Variants in COL6A1 observed in about 807,000 individuals in gnomAD.
COL6A1 encodes the protein collagen alpha-1(VI) chain.
COL6A1 carries 80 observed loss-of-function variants against 145.6 expected under a neutral mutation model. The observed-to-expected ratio is 0.55, with a 90% confidence interval of 0.46 to 0.66. COL6A1 has a LOEUF of 0.66. Ranked by LOEUF, COL6A1 falls within the 30% of genes least tolerant of loss-of-function variation. COL6A1 has a pLI of 0.00. For synonymous variants in COL6A1, 638 were observed against 622.8 expected (o/e 1.02, Z -0.36); for missense variants, 1,364 against 1,473.8 (o/e 0.93, Z 1.22).
At chr21:45,995,253 G>A (rs1304913681) in intron 20 of COL6A1, among the ~76,000 whole-genome samples, 2 of 152,250 alleles carry the variant, frequency 1.3e-5, no homozygotes, top group African/African-American at 2.4e-5. Flanking sequence ...AAGGGCTCCC[G>A]ACACCTTCCT....
rs1479972013 is a variant in COL6A1, at chr21:46,002,320, C to T, written c.2169C>T (p.Ile723=). 1.4e-5 allele frequency: 23 copies of T among 1,592,834 alleles called. No individual in the cohort carries two copies. The highest frequency in any genetic ancestry group is 5.3e-5 in the Admixed American group (3 of 56,650). Residue 723 remains isoleucine (I), a synonymous_variant, in exon 32 of 35, where the codon ATC becomes ATT. Transcript: ENST00000361866. ...TGCCGCCCAGCCCGAACAACCGCATCGCCCTGGTCATCACTGACGGGCGCT... is the reference window on the plus strand; with the variant it reads ...TGCCGCCCAGCCCGAACAACCGCATTGCCCTGGTCATCACTGACGGGCGCT... ...QLLPPSPNNR[I]ALVITDGRSD...
chr21:46,002,736 C>T (rs766577193), intron 33 of COL6A1, 26 bp downstream of exon 33: 12 of 1,560,634 alleles, frequency 7.7e-6, no homozygotes, highest in Admixed American at 1.7e-5. Flanking sequence ...CCCGGGCAGT[C>T]CCAGATCTGC....
Position 45,988,995 on chromosome 21 carries a change from A to T in COL6A1, c.805-89A>T, listed in dbSNP as rs575509247. ...AAAGCCCTTGATCCCTGAAGGCTGGATGAAGCGTCTTTTTAAAAACCTGTT... is the reference window on the plus strand; with the variant it reads ...AAAGCCCTTGATCCCTGAAGGCTGGTTGAAGCGTCTTTTTAAAAACCTGTT... On this transcript the variant is annotated intron_variant, in intron 8 of 34. Coordinates refer to ENST00000361866, the MANE Select transcript of COL6A1 (RefSeq NM_001848.3). 31 of 1,499,132 alleles carry T rather than the reference A, an allele frequency of 2.1e-5. No homozygotes were observed. The South Asian group carries it at 3.7e-4, about 18-fold the overall frequency. 92.9% of individuals were successfully genotyped at this position (1,499,132 alleles called of 1,614,324 possible).
Position 45,999,680 on chromosome 21 carries a change from G to T in COL6A1, c.1764G>T (p.Pro588=). The part of the protein sequence containing the change: ...GPQGPPGHQG[P]PGPDECEILD... ...AGGGACCCCCAGGACACCAAGGACCGCCTGGGCCGGACGTAAGTGGGGCTC... is the reference window on the plus strand; with the variant it reads ...AGGGACCCCCAGGACACCAAGGACCTCCTGGGCCGGACGTAAGTGGGGCTC... Residue 588 remains proline, a synonymous_variant, in exon 27 of 35, where the codon CCG becomes CCT. Transcript: ENST00000361866. The T allele has an allele frequency of 6.2e-7, 1 of 1,613,328 alleles. No individual in the cohort carries two copies. The highest frequency in any genetic ancestry group is 8.5e-7 in the Non-Finnish European group (1 of 1,179,898).
rs1053320 is a variant in COL6A1, at chr21:46,003,722, C to T, written c.2796C>T (p.Ser932=). Residue 932 remains serine, a synonymous_variant, in exon 35 of 35, where the codon TCC becomes TCT. Coordinates refer to ENST00000361866, the MANE Select transcript of COL6A1 (RefSeq NM_001848.3). ...YVTRFYREAS[S]GAAKKRLLLF... The stretch of plus-strand genomic sequence containing the variant: ...CCCGCTTCTACCGCGAGGCCTCGTC[C>T]GGCGCTGCCAAGAAGAGGCTGCTGC... 0.29 allele frequency: 464,544 copies of T among 1,612,542 alleles called. 68,834 individuals are homozygous for T. Among genetic ancestry groups the T allele is most frequent in the African/African-American group, 0.41 (30,856 of 75,036 alleles).
chr21:45,999,171 C>T lies in COL6A1; in HGVS notation c.1693C>T (p.Arg565Ter), dbSNP rs1304888945. The T allele has an allele frequency of 1.2e-6, 2 of 1,601,956 alleles. No homozygotes were observed. Among genetic ancestry groups the T allele is most frequent in the African/African-American group, 1.3e-5 (1 of 74,842 alleles). ...PGDDNNDIAP[R>*]GVKGAKGYRG... ...CTTCTAGAACAACGACATTGCACCCCGAGGAGTCAAAGGAGCAAAGGGGTA... is the reference window on the plus strand; with the variant it reads ...CTTCTAGAACAACGACATTGCACCCTGAGGAGTCAAAGGAGCAAAGGGGTA... Residue 565 changes from arginine to a stop codon, truncating the protein, a stop_gained, in exon 26 of 35, where the codon CGA (arginine) becomes TGA (stop). Transcript: ENST00000361866. LOFTEE classifies it high-confidence loss of function.
In COL6A1 at chr21:46,002,519, C is replaced by T; in HGVS notation, c.2251-8C>T. 6.2e-7 allele frequency: 1 copy of T among 1,613,586 alleles called. No homozygotes were observed. Among genetic ancestry groups the T allele is most frequent in the Admixed American group, 1.7e-5 (1 of 60,038 alleles). ...GCTGCGCCACACCGATACTGTCTGT[C>T]CCCACAGGTGGTCTCCGTGGGCATC... On this transcript the variant is annotated splice_polypyrimidine_tract_variant and splice_region_variant and intron_variant, in intron 32 of 34. Coordinates refer to ENST00000361866, the MANE Select transcript of COL6A1 (RefSeq NM_001848.3).
chr21:45,983,827 G>A (rs1471417603), intron 2 of COL6A1, among the ~76,000 whole-genome samples: 5 of 144,962 alleles, frequency 3.4e-5, no homozygotes, highest in Admixed American at 2.1e-4. Flanking sequence ...TGCAGGCGCC[G>A]TGGTCACTCT....
intron 8 of COL6A1, 135 bp downstream of exon 8, chr21:45,987,789 CGGGGGTCCAGATGGAGGGGACGGCG>C (rs2077748861): frequency 3.1e-6 from 1 of 326,580 alleles, no homozygotes; most frequent in Non-Finnish European, 4.7e-6. Flanking sequence ...GAGGGGACGG[CGGGGGTCCAGATGGAGGGGACGGCG>C]GGAGTCCAGA....
intron 17 of COL6A1, 73 bp downstream of exon 17, chr21:45,992,290 T>C: frequency 6.2e-7 from 1 of 1,613,446 alleles, no homozygotes; most frequent in South Asian, 1.1e-5. Context: ...GCTCGGGGTC[T>C]ACTCCACGTC....
At position 45,999,773 on chromosome 21, in the gene COL6A1, C is replaced by A. The variant is rs1343601480; in HGVS notation, c.1776+81C>A. 3.1e-6 allele frequency: 4 copies of A among 1,284,238 alleles called. No homozygotes were observed. In the African/African-American group the frequency reaches 6.4e-5, roughly 20 times the overall value. The allele number at this position is 1,284,238 out of a possible 1,614,324, so 79.6% of individuals were successfully genotyped here. A position where few individuals can be genotyped will look rare whatever the true frequency, so the allele number is the denominator to read the frequency against. On this transcript the variant is annotated intron_variant, in intron 27 of 34. Coordinates refer to ENST00000361866, the MANE Select transcript of COL6A1 (RefSeq NM_001848.3). ...GGGGTGTGGGTCCTGTCCATGGGTG[C>A]TCCTGTAGACGCTGCTCACGGGGGG...
At chr21:45,999,478 G>A (rs1425504897) in intron 26 of COL6A1, 179 bp from the exon 27 acceptor site, 1 of 789,970 alleles carries the variant, frequency 1.3e-6, no homozygotes, top group East Asian at 2.7e-5. Flanking sequence ...GACCACCAGT[G>A]TGCGAAGCCC....
intron 3 of COL6A1, among the ~76,000 whole-genome samples, chr21:45,985,250 A>G (rs1360433024): frequency 2.6e-5 from 4 of 152,044 alleles, no homozygotes; most frequent in African/African-American, 9.7e-5. Flanking sequence ...ACAGAGACAG[A>G]GACAGAAATA....
At chr21:45,984,009 AC>A (rs2077723260) in intron 2 of COL6A1, among the ~76,000 whole-genome samples, 1 of 151,912 alleles carries the variant, frequency 6.6e-6, no homozygotes, top group Non-Finnish European at 1.5e-5. Context: ...AGGCCCAAGG[AC>A]CCCACCCCAG....
chr21:46,000,195 A>T, intron 27 of COL6A1, 136 bp from the exon 28 acceptor site: 1 of 953,510 alleles, frequency 1.0e-6, no homozygotes, highest in Admixed American at 1.8e-5. Context: ...AGAGCCGGGC[A>T]CACCTGCAAA....
rs1569518893 is a variant in COL6A1, at chr21:45,999,937, GGGGGGACGTGT to G, written c.1776+247_1776+257del. Among the ~76,000 whole-genome samples, 30 of 22,872 alleles carry G rather than the reference GGGGGGACGTGT, an allele frequency of 1.3e-3. 6 individuals carry two copies. The highest frequency in any genetic ancestry group is 2.0e-3 in the South Asian group (1 of 508). The allele number at this position is 22,872 out of a possible 152,430, so 15.0% of individuals were successfully genotyped here. ...TCATGGGGGACATGTGAGGATCATG[GGGGGGACGTGT>G]GAGGATCATGGGAGGACGTGAGGAT... On this transcript the variant is annotated intron_variant, in intron 27 of 34. Transcript: ENST00000361866.
chr21:45,992,513 C>A, intron 18 of COL6A1, 115 bp downstream of exon 18: 1 of 1,313,064 alleles, frequency 7.6e-7, no homozygotes, highest in Non-Finnish European at 1.1e-6. Flanking sequence ...CTGCCCAAGA[C>A]AAATGGGTTT....
At position 45,994,593 on chromosome 21, in the gene COL6A1, G is replaced by C. The variant is rs138372580; in HGVS notation, c.1398+364G>C. On this transcript the variant is annotated intron_variant, in intron 20 of 34. Transcript: ENST00000361866. The surrounding 1 kb of genome is among the most constrained non-coding windows in gnomAD (Gnocchi z 6.8). ...GGTCAGCATCTGTTTTTCTGGGTCA[G>C]GAGCCAGGCATGACTGTGGCTGGAG... is the stretch of plus-strand genomic sequence containing the variant. Among the ~76,000 whole-genome samples, 54 of 152,328 alleles carry C rather than the reference G, an allele frequency of 3.5e-4. 1 individual carries two copies. In the East Asian group the frequency reaches 8.3e-3, roughly 23 times the overall value.
intron 2 of COL6A1, 122 bp downstream of exon 2, chr21:45,982,885 T>C: frequency 7.0e-7 from 1 of 1,420,920 alleles, no homozygotes; most frequent in Non-Finnish European, 9.8e-7. Flanking sequence ...AGCGTTGCCC[T>C]GACCGGGGCC....
Sources: allele counts gnomAD v4.1 joint callset (sites outside exome capture counted in the v4.1 genomes callset), GRCh38; gene constraint gnomAD v4.1.1; non-coding constraint Gnocchi (gnomAD v3.1); transcripts MANE v1.5; gene names NCBI Gene and HGNC (gene_info 2026-07-23, HGNC 2026-07-21).